The following AP1G1 variants were observed in gnomAD, a reference collection of about 807,000 sequenced individuals.
AP1G1 encodes AP-1 complex subunit gamma-1.
Under a neutral mutation model 108.3 loss-of-function variants are expected in AP1G1, and 7 were observed. The observed-to-expected ratio is 0.06, with a 90% CI of 0.04 to 0.12. AP1G1 has a LOEUF of 0.12. AP1G1 is among the 10% of genes least tolerant of loss of function. The pLI is 1.00. For synonymous variants in AP1G1, 379 were observed against 353.5 expected (o/e 1.07, Z -0.81); for missense variants, 756 against 1,010.7 (o/e 0.75, Z 3.42).
At chr16:71,748,933 G>A (rs1000161661) in intron 15 of AP1G1, among the ~76,000 whole-genome samples, 1 of 151,770 alleles carries the variant, frequency 6.6e-6, no homozygotes, top group Admixed American at 6.6e-5. Context: ...TTGAGACGGA[G>A]TCTGGCTCTG....
At chr16:71,774,877 T>C (rs570374517) in intron 2 of AP1G1, among the ~76,000 whole-genome samples, 2 of 150,874 alleles carry the variant, frequency 1.3e-5, no homozygotes, top group Non-Finnish European at 3.0e-5. Flanking sequence ...TTAGCCACCA[T>C]GCCTGGCTAA....
At position 71,758,848 on chromosome 16, in the gene AP1G1, T is replaced by C. The variant is rs757495465; in HGVS notation, c.1048A>G (p.Ile350Val). 7 of 1,611,032 alleles carry C rather than the reference T, an allele frequency of 4.3e-6. No homozygotes were observed. The East Asian group carries it at 1.3e-4, about 31-fold the overall frequency. Reference protein sequence around the residue: ...HNAVQRHRSTIVDCLKDLDVS... With the variant: ...HNAVQRHRSTVVDCLKDLDVS... ...TCCAAATCTTTAAGACAGTCCACAA[T>C]TGTGCTTCTGTGCCTCTGTACTGCA... The change falls in exon 11 of 23, where the codon ATT (isoleucine) becomes GTT (valine). Residue 350 changes from isoleucine (I) to valine (V), a missense_variant. Physicochemically the swap from Ile to Val is conservative, Grantham distance 29. Coordinates refer to ENST00000299980, the MANE Select transcript of AP1G1 (RefSeq NM_001128.6).
chr16:71,761,413 A>C, intron 10 of AP1G1, 99 bp downstream of exon 10: 1 of 871,614 alleles, frequency 1.1e-6, no homozygotes, highest in East Asian at 2.5e-5. Flanking sequence ...TAAAAGTTCT[A>C]AATATGTGAC....
chr16:71,759,092 C>A (rs2030949583), intron 10 of AP1G1, among the ~76,000 whole-genome samples, 171 bp from the exon 11 acceptor site: 1 of 152,156 alleles, frequency 6.6e-6, no homozygotes, highest in South Asian at 2.1e-4. Flanking sequence ...TAAGCGATAC[C>A]ATAATCTAAA....
At chr16:71,782,389 C>T (rs2032054328) in intron 2 of AP1G1, among the ~76,000 whole-genome samples, 1 of 151,860 alleles carries the variant, frequency 6.6e-6, no homozygotes, top group Admixed American at 6.6e-5. Flanking sequence ...GTCTCGAACT[C>T]CTGAGCTCAA....
intron 1 of AP1G1, among the ~76,000 whole-genome samples, chr16:71,802,250 A>T (rs1053967474): frequency 1.3e-5 from 2 of 152,156 alleles, no homozygotes; most frequent in African/African-American, 4.8e-5. Context: ...TCTTAAAAGG[A>T]AGCAAAAGAA....
chr16:71,744,340 T>A (rs2030046453), intron 19 of AP1G1, among the ~76,000 whole-genome samples: 1 of 152,170 alleles, frequency 6.6e-6, no homozygotes, highest in African/African-American at 2.4e-5. Flanking sequence ...GAAAAAATAT[T>A]CCCAAATGAA....
chr16:71,789,272 A>G lies in AP1G1; in HGVS notation c.201+7T>C. 6.2e-7 allele frequency: 1 copy of G among 1,612,370 alleles called. No individual in the cohort carries two copies. The highest frequency in any genetic ancestry group is 8.5e-7 in the Non-Finnish European group (1 of 1,179,110). ...CCCTTGCTACATGTAGTCTCAGCCC[A>G]GCCTACCTGTCCAAAGTGAGCAGGG... On this transcript the variant is annotated splice_region_variant and intron_variant, in intron 2 of 22. Coordinates refer to ENST00000299980, the MANE Select transcript of AP1G1 (RefSeq NM_001128.6).
intron 19 of AP1G1, among the ~76,000 whole-genome samples, chr16:71,740,493 A>C (rs2045605506): frequency 6.6e-6 from 1 of 152,190 alleles, no homozygotes; most frequent in Non-Finnish European, 1.5e-5. Context: ...ACTGGAAACA[A>C]CCAAAATGTC....
intron 3 of AP1G1, 168 bp downstream of exon 3, chr16:71,774,300 C>T: frequency 1.5e-6 from 1 of 647,768 alleles, no homozygotes. Flanking sequence ...ATCACTTCAA[C>T]CAGACTGGCA....
At chr16:71,792,958 A>C (rs938404876) in intron 1 of AP1G1, among the ~76,000 whole-genome samples, 8 of 152,118 alleles carry the variant, frequency 5.3e-5, no homozygotes, top group African/African-American at 1.9e-4. Context: ...GCTTGAGCCC[A>C]AGAGTTCAAG....
chr16:71,779,906 C>T (rs746760222), intron 2 of AP1G1, among the ~76,000 whole-genome samples: 1 of 152,008 alleles, frequency 6.6e-6, no homozygotes, highest in Non-Finnish European at 1.5e-5. Flanking sequence ...ATTCCTTAAG[C>T]CCAGGAGCTC....
At chr16:71,744,415 G>A (rs953161849) in intron 19 of AP1G1, among the ~76,000 whole-genome samples, 8 of 152,096 alleles carry the variant, frequency 5.3e-5, no homozygotes, top group African/African-American at 1.9e-4. Flanking sequence ...AGTGTGAAAG[G>A]GAAGAGGTAA....
chr16:71,789,211 A>C, intron 2 of AP1G1, 68 bp downstream of exon 2: 1 of 1,438,934 alleles, frequency 6.9e-7, no homozygotes, highest in African/African-American at 1.4e-5. Flanking sequence ...CACCAGAAAA[A>C]GATGGACAAT....
At chr16:71,761,107 AAT>A (rs1432618630) in intron 10 of AP1G1, among the ~76,000 whole-genome samples, 1 of 152,156 alleles carries the variant, frequency 6.6e-6, no homozygotes, top group Non-Finnish European at 1.5e-5. Flanking sequence ...CGTACATCAA[AAT>A]ATTTTTTTCA....
In AP1G1 at chr16:71,733,004, T is replaced by G; in HGVS notation, c.*54A>C. On this transcript the variant is annotated 3_prime_UTR_variant, in exon 23 of 23. Transcript: ENST00000299980. ...GGACTTGCCAGCAATCACAACCTCCTTCCCAGAGTTCCTTTGATTGAGTGG... is the reference window on the plus strand; with the variant it reads ...GGACTTGCCAGCAATCACAACCTCCGTCCCAGAGTTCCTTTGATTGAGTGG... 6.8e-7 allele frequency: 1 copy of G among 1,462,232 alleles called. No homozygotes were observed. Among genetic ancestry groups the G allele is most frequent in the Non-Finnish European group, 9.5e-7 (1 of 1,049,924 alleles). 90.6% of individuals were successfully genotyped at this position (1,462,232 alleles called of 1,614,324 possible). A position where few individuals can be genotyped will look rare whatever the true frequency, so the allele number is the denominator to read the frequency against.
In AP1G1 at chr16:71,729,148, T is replaced by G. The variant is rs2045454863; in HGVS notation, c.*3910A>C. 7.8e-6 allele frequency: 1 copy of G among 128,230 alleles called. No individual in the cohort carries two copies. Among genetic ancestry groups the G allele is most frequent in the South Asian group, 3.2e-4 (1 of 3,174 alleles). 7.9% of individuals were successfully genotyped at this position (128,230 alleles called of 1,614,324 possible). ...CCTCACTCGCCTCTAAGACTTATCA[T>G]TTAACTTTAAATTTTTTTTTTTACA... On this transcript the variant is annotated 3_prime_UTR_variant, in exon 23 of 23. Coordinates refer to ENST00000299980, the MANE Select transcript of AP1G1 (RefSeq NM_001128.6).
chr16:71,755,791 G>A (rs534783772), intron 12 of AP1G1, among the ~76,000 whole-genome samples: 3 of 152,052 alleles, frequency 2.0e-5, no homozygotes, highest in African/African-American at 7.2e-5. Flanking sequence ...GACTACAGGC[G>A]CGTGCCACCA....
intron 2 of AP1G1, among the ~76,000 whole-genome samples, chr16:71,786,530 A>G (rs933394925): frequency 6.6e-6 from 1 of 152,134 alleles, no homozygotes; most frequent in Non-Finnish European, 1.5e-5. Flanking sequence ...GCACGATCTC[A>G]GCTCACTGCA....
Sources: allele counts gnomAD v4.1 joint callset (sites outside exome capture counted in the v4.1 genomes callset), GRCh38; gene constraint gnomAD v4.1.1; transcripts MANE v1.5; gene names NCBI Gene and HGNC (gene_info 2026-07-23, HGNC 2026-07-21).